MTUS2: variants seen among roughly 807,000 people sequenced by gnomAD.
MTUS2 encodes microtubule associated scaffold protein 2, also known as microtubule-associated tumor suppressor candidate 2.
Under a neutral mutation model 114.1 loss-of-function variants are expected in MTUS2, and 40 were observed. The ratio of observed to expected loss-of-function variants is 0.35; its 90% CI spans 0.27 to 0.46. The LOEUF is 0.46. MTUS2 is among the 20% of genes least tolerant of loss of function. MTUS2 has a pLI of 1.00. For synonymous variants in MTUS2, 688 were observed against 672.0 expected, an observed-to-expected ratio of 1.02 and a Z score of -0.37; for missense variants, 1,679 against 1,705.4, an observed-to-expected ratio of 0.98 and a Z score of 0.27.
chr13:29,384,898 G>T (rs1190738734), intron 8 of MTUS2, among the ~76,000 whole-genome samples: 1 of 152,206 alleles, frequency 6.6e-6, no homozygotes, highest in Non-Finnish European at 1.5e-5. Context: ...CATGCTGGTG[G>T]CCTAAAAACA....
At chr13:29,381,210 C>T (rs1431298575) in intron 8 of MTUS2, among the ~76,000 whole-genome samples, 2 of 152,090 alleles carry the variant, frequency 1.3e-5, no homozygotes, top group Non-Finnish European at 2.9e-5. Context: ...AGAGGAAGCT[C>T]TGTGCCAGGA....
intron 5 of MTUS2, among the ~76,000 whole-genome samples, chr13:29,122,235 G>A (rs1006811841): frequency 6.6e-6 from 1 of 152,090 alleles, no homozygotes; most frequent in African/African-American, 2.4e-5. Flanking sequence ...AAGACAGGAG[G>A]CTTTGGGTTG....
At chr13:29,137,166 A>G (rs573714147) in intron 5 of MTUS2, among the ~76,000 whole-genome samples, 1 of 152,260 alleles carries the variant, frequency 6.6e-6, no homozygotes, top group African/African-American at 2.4e-5. Context: ...TATCACATTG[A>G]CTATATCAAC....
At chr13:29,402,707 T>G (rs762972503) in intron 8 of MTUS2, among the ~76,000 whole-genome samples, 1 of 152,152 alleles carries the variant, frequency 6.6e-6, no homozygotes, top group Non-Finnish European at 1.5e-5. Context: ...CAGTACTGTT[T>G]TTTCACTTCC....
chr13:28,936,811 C>T (rs977967691), intron 2 of MTUS2, among the ~76,000 whole-genome samples: 1 of 152,154 alleles, frequency 6.6e-6, no homozygotes, highest in Non-Finnish European at 1.5e-5. Context: ...TGCTCAGTTG[C>T]CTGAATGAAG....
intron 2 of MTUS2, among the ~76,000 whole-genome samples, chr13:28,866,864 T>C (rs1186177526): frequency 2.6e-5 from 4 of 152,044 alleles, no homozygotes; most frequent in Admixed American, 2.6e-4. Flanking sequence ...AATATATATA[T>C]TTAATAATAT....
chr13:28,991,518 AC>A (rs556709193), intron 2 of MTUS2, among the ~76,000 whole-genome samples: 4 of 151,960 alleles, frequency 2.6e-5, no homozygotes, highest in Non-Finnish European at 5.9e-5. Context: ...ACAGGTGCCC[AC>A]CACCACGCCT....
chr13:29,393,697 C>T (rs565223249), intron 8 of MTUS2, among the ~76,000 whole-genome samples: 4 of 152,274 alleles, frequency 2.6e-5, no homozygotes, highest in African/African-American at 7.2e-5. Context: ...AACGCATGCC[C>T]GTGACACAGC....
intron 4 of MTUS2, among the ~76,000 whole-genome samples, chr13:29,062,500 G>A (rs555833744): frequency 5.0e-4 from 76 of 152,256 alleles, no homozygotes; most frequent in Non-Finnish European, 7.8e-4. Context: ...GAAACAGCCC[G>A]TGATGCTGTG....
intron 7 of MTUS2, among the ~76,000 whole-genome samples, chr13:29,357,058 G>A (rs2138213253): frequency 6.6e-6 from 1 of 152,286 alleles, no homozygotes; most frequent in Non-Finnish European, 1.5e-5. Context: ...CTGGAATTTT[G>A]AATAGGTGAG....
At chr13:29,000,330 C>T (rs1026536938) in intron 2 of MTUS2, among the ~76,000 whole-genome samples, 2 of 151,874 alleles carry the variant, frequency 1.3e-5, no homozygotes, top group African/African-American at 4.8e-5. Context: ...GTTTTGCTGC[C>T]CATAGGATTC....
At chr13:29,034,257 T>A in intron 4 of MTUS2, 132 bp downstream of exon 4, 1 of 1,198,876 alleles carries the variant, frequency 8.3e-7, no homozygotes, top group Non-Finnish European at 1.2e-6. Flanking sequence ...CTTCCATATG[T>A]CTGTAGATGC....
Position 29,033,964 on chromosome 13 carries a change from C to T in MTUS2, c.2285C>T (p.Ser762Leu). 1 of 1,614,012 alleles carries T rather than the reference C, an allele frequency of 6.2e-7. No individual in the cohort carries two copies. ...HYEVPPTFYR[S>L]AMLLKPQLGL... is the part of the protein sequence containing the mutation. Reference sequence around the variant, plus strand: ...GAAGTCCCTCCAACTTTCTATCGGTCAGCCATGCTCCTTAAGCCCCAGCTA... The same window carrying T: ...GAAGTCCCTCCAACTTTCTATCGGTTAGCCATGCTCCTTAAGCCCCAGCTA... The change falls in exon 4 of 16, where the codon TCA (serine) becomes TTA (leucine). Residue 762 changes from serine to leucine, a missense_variant. This residue lies in a region of MTUS2 where 822 missense variants were observed against 899.7 expected (regional missense o/e 0.91). Transcript: ENST00000612955.
intron 8 of MTUS2, among the ~76,000 whole-genome samples, chr13:29,366,973 A>G (rs934582762): frequency 6.6e-5 from 10 of 152,046 alleles, no homozygotes; most frequent in African/African-American, 1.7e-4. Flanking sequence ...CTCCTCCTTA[A>G]TACACACACA....
At chr13:29,092,906 A>G (rs1366490899) in intron 4 of MTUS2, among the ~76,000 whole-genome samples, 1 of 152,184 alleles carries the variant, frequency 6.6e-6, no homozygotes, top group African/African-American at 2.4e-5. Context: ...CAAGGAAAGA[A>G]TGCTGGCTCA....
intron 8 of MTUS2, among the ~76,000 whole-genome samples, chr13:29,380,567 A>G (rs527785922): frequency 1.1e-3 from 165 of 152,358 alleles, no homozygotes; most frequent in African/African-American, 3.8e-3. Flanking sequence ...AGCTAGAAGA[A>G]GGAACACACG....
Position 29,025,778 on chromosome 13 carries a change from T to C in MTUS2, c.1080T>C (p.Leu360=). The C allele has an allele frequency of 6.2e-7, 1 of 1,613,944 alleles. No homozygotes were observed. Among genetic ancestry groups the C allele is most frequent in the Non-Finnish European group, 8.5e-7 (1 of 1,179,878 alleles). The part of the protein sequence containing the change: ...GEAHPEATDA[L]GHLLNSDLHH... ...CACACCCGGAAGCCACCGATGCACT[T>C]GGCCATCTGCTGAACAGTGACCTCC... The change falls in exon 3 of 16, where the codon CTT becomes CTC. Residue 360 remains leucine (L), a synonymous_variant. Coordinates refer to ENST00000612955, the MANE Select transcript of MTUS2 (RefSeq NM_001033602.4).
intron 6 of MTUS2, chr13:29,307,575 A>G: frequency 8.1e-7 from 1 of 1,238,768 alleles, no homozygotes; most frequent in Non-Finnish European, 1.2e-6. Flanking sequence ...AGCAGGTGTC[A>G]GAGGGCCCCC....
intron 4 of MTUS2, among the ~76,000 whole-genome samples, chr13:29,064,711 G>T (rs911509801): frequency 6.6e-6 from 1 of 152,058 alleles, no homozygotes; most frequent in Admixed American, 6.5e-5. Flanking sequence ...TTCTTATACA[G>T]ATTATTTTGT....
Sources: gnomAD v4.1 joint callset for allele counts (sites outside exome capture counted in the v4.1 genomes callset) on GRCh38, gnomAD v4.1.1 for gene constraint, gnomAD v4.1.1 regional missense constraint, MANE v1.5 for transcripts, NCBI Gene and HGNC (gene_info 2026-07-23, HGNC 2026-07-21) for gene names.